Variants in QTMAN observed in about 807,000 individuals in gnomAD.
QTMAN encodes the protein queuosine-tRNA mannosyltransferase.
the QTMAN span, among the ~76,000 whole-genome samples, chr2:144,179,178 A>G: frequency 1.8e-4 from 27 of 152,310 alleles, no homozygotes; most frequent in African/African-American, 6.5e-4. Context: ...GTACTTGTGT[A>G]ATTTCTGAGT....
At chr2:144,056,812 A>G in the QTMAN span, among the ~76,000 whole-genome samples, 1 of 152,362 alleles carries the variant, frequency 6.6e-6, no homozygotes, top group Middle Eastern at 3.4e-3. Flanking sequence ...TTGAGAATCT[A>G]TAAAAAACAA....
At chr2:144,146,879 T>C in the QTMAN span, among the ~76,000 whole-genome samples, 2 of 151,854 alleles carry the variant, frequency 1.3e-5, no homozygotes, top group Non-Finnish European at 2.9e-5. Flanking sequence ...TGGTAGAAAG[T>C]TGCAAAGCAG....
chr2:144,172,560 G>A, the QTMAN span, among the ~76,000 whole-genome samples: 2 of 142,796 alleles, frequency 1.4e-5, no homozygotes, highest in South Asian at 4.6e-4. Flanking sequence ...GGAGCCGTAA[G>A]TTGCAGTGAG....
chr2:143,957,295 GT>G, the QTMAN span: 3 of 1,609,392 alleles, frequency 1.9e-6, no homozygotes, highest in Non-Finnish European at 2.5e-6. Context: ...TAGCCCCAGT[GT>G]AAGACAGAAG....
the QTMAN span, among the ~76,000 whole-genome samples, chr2:144,131,260 T>C: frequency 6.6e-6 from 1 of 151,950 alleles, no homozygotes; most frequent in Admixed American, 6.6e-5. Flanking sequence ...CAAATCTGTT[T>C]CTCAATTCCA....
At chr2:144,270,347 C>T in the QTMAN span, among the ~76,000 whole-genome samples, 1 of 152,178 alleles carries the variant, frequency 6.6e-6, no homozygotes, top group Non-Finnish European at 1.5e-5. Flanking sequence ...CGTAAAGATA[C>T]ATGCACACGT....
At chr2:144,326,685 T>C in the QTMAN span, among the ~76,000 whole-genome samples, 1 of 151,940 alleles carries the variant, frequency 6.6e-6, no homozygotes, top group Non-Finnish European at 1.5e-5. Context: ...ATATGAACAC[T>C]GGCTTCCCAC....
At chr2:144,000,759 A>G in the QTMAN span, among the ~76,000 whole-genome samples, 1 of 152,060 alleles carries the variant, frequency 6.6e-6, no homozygotes, top group East Asian at 1.9e-4. Context: ...GTATGCTGAA[A>G]AGCAGATGGC....
At chr2:144,155,123 G>C in the QTMAN span, among the ~76,000 whole-genome samples, 1 of 152,128 alleles carries the variant, frequency 6.6e-6, no homozygotes, top group South Asian at 2.1e-4. Flanking sequence ...TGTGTTATTT[G>C]ATGTCATTTT....
the QTMAN span, among the ~76,000 whole-genome samples, chr2:144,094,848 C>T: frequency 2.0e-5 from 3 of 152,162 alleles, no homozygotes; most frequent in African/African-American, 7.2e-5. Context: ...CAAAGTTGCC[C>T]CTTGGCAAGA....
chr2:144,206,571 T>A, the QTMAN span, among the ~76,000 whole-genome samples: 1 of 152,190 alleles, frequency 6.6e-6, no homozygotes, highest in African/African-American at 2.4e-5. Flanking sequence ...ATTAGTATAG[T>A]TAACTGCAAA....
the QTMAN span, among the ~76,000 whole-genome samples, chr2:143,982,236 C>CTT: frequency 1.3e-4 from 19 of 146,052 alleles, no homozygotes; most frequent in Middle Eastern, 3.6e-3. Context: ...CTTTCTTTCT[C>CTT]TTTTTTTTTT....
At chr2:144,213,581 T>C in the QTMAN span, among the ~76,000 whole-genome samples, 1 of 152,182 alleles carries the variant, frequency 6.6e-6, no homozygotes, top group Admixed American at 6.6e-5. Flanking sequence ...CACCTTTCTG[T>C]TATTAGTTAG....
the QTMAN span, among the ~76,000 whole-genome samples, chr2:144,156,139 T>C: frequency 5.3e-5 from 8 of 152,298 alleles, no homozygotes; most frequent in East Asian, 1.5e-3. Context: ...CGTTTTATCA[T>C]TTGATTTGTT....
At chr2:144,262,043 T>G in the QTMAN span, among the ~76,000 whole-genome samples, 2 of 152,262 alleles carry the variant, frequency 1.3e-5, no homozygotes, top group African/African-American at 4.8e-5. Context: ...AAAGTAAGAT[T>G]GTAGACAGAA....
the QTMAN span, among the ~76,000 whole-genome samples, chr2:144,013,602 G>T: frequency 9.9e-5 from 15 of 152,084 alleles, no homozygotes; most frequent in Non-Finnish European, 1.8e-4. Context: ...ATGGTTCAAG[G>T]CTAATATGGA....
chr2:144,228,344 C>T, the QTMAN span, among the ~76,000 whole-genome samples: 1 of 152,166 alleles, frequency 6.6e-6, no homozygotes, highest in Non-Finnish European at 1.5e-5. Flanking sequence ...TGAATGTACA[C>T]TTTTACAATT....
At chr2:143,991,787 G>T in the QTMAN span, among the ~76,000 whole-genome samples, 10 of 149,754 alleles carry the variant, frequency 6.7e-5, no homozygotes. Flanking sequence ...GGGAGGTGGG[G>T]GGTCAGCCCC....
At chr2:144,327,238 C>T in the QTMAN span, among the ~76,000 whole-genome samples, 3 of 152,288 alleles carry the variant, frequency 2.0e-5, no homozygotes, top group East Asian at 5.8e-4. Flanking sequence ...CCCCTTCCCC[C>T]ATACCCCACC....
Sources: allele counts gnomAD v4.1 joint callset (sites outside exome capture counted in the v4.1 genomes callset), GRCh38; gene constraint gnomAD v4.1.1; transcripts MANE v1.5; gene names NCBI Gene and HGNC (gene_info 2026-07-23, HGNC 2026-07-21).